Variants in SDK1 observed in about 807,000 individuals in gnomAD.
SDK1 encodes the protein sidekick cell adhesion molecule 1.
Under a neutral mutation model 245.5 loss-of-function variants are expected in SDK1, and 157 were observed. The observed-to-expected ratio is 0.64, with a 90% CI of 0.56 to 0.73. The LOEUF is 0.73. SDK1 is among the 30% of genes least tolerant of loss of function. The pLI is 0.00. For missense variants in SDK1, 3,583 were observed against 3,002.3 expected, an observed-to-expected ratio of 1.19 and a Z score of -4.52; for synonymous variants, 1,647 against 1,278.5, an observed-to-expected ratio of 1.29 and a Z score of -6.15.
chr7:3,802,475 C>T (rs1301742695), intron 4 of SDK1, among the ~76,000 whole-genome samples: 3 of 152,010 alleles, frequency 2.0e-5, no homozygotes, highest in East Asian at 3.9e-4. Flanking sequence ...GTCAAGGCTG[C>T]AGTGAGCCAT....
chr7:3,464,016 A>G (rs1780913347), intron 1 of SDK1, among the ~76,000 whole-genome samples: 1 of 152,154 alleles, frequency 6.6e-6, no homozygotes, highest in Non-Finnish European at 1.5e-5. Flanking sequence ...GTTCATTTAT[A>G]TTTCTCTGAT....
intron 1 of SDK1, among the ~76,000 whole-genome samples, chr7:3,511,612 A>C (rs184431284): frequency 1.3e-5 from 2 of 152,112 alleles, no homozygotes; most frequent in African/African-American, 4.8e-5. Flanking sequence ...CTAACCCTCT[A>C]GTTCAGTTTT....
intron 1 of SDK1, among the ~76,000 whole-genome samples, chr7:3,526,116 C>T (rs1464790367): frequency 1.3e-5 from 2 of 151,976 alleles, no homozygotes; most frequent in African/African-American, 4.8e-5. Flanking sequence ...TGCCGGTAAT[C>T]CCAGCTATTC....
At position 4,267,846 on chromosome 7, in the gene SDK1, T is replaced by G; in HGVS notation, c.*2462T>G. ...CGGCCTCCTGGCTGCTGCTGGACTG[T>G]GCTTAGGACAGCGCCCATGCCTCGG... is the stretch of plus-strand genomic sequence containing the variant. On this transcript the variant is annotated 3_prime_UTR_variant, in exon 45 of 45. Coordinates refer to ENST00000404826, the MANE Select transcript of SDK1 (RefSeq NM_152744.4). 1.0e-6 allele frequency: 1 copy of G among 985,528 alleles called. No homozygotes were observed. Among genetic ancestry groups the G allele is most frequent in the South Asian group, 4.7e-5 (1 of 21,286 alleles). 61.0% of individuals were successfully genotyped at this position (985,528 alleles called of 1,614,324 possible).
intron 13 of SDK1, among the ~76,000 whole-genome samples, chr7:3,982,714 C>T (rs538744785): frequency 1.3e-5 from 2 of 152,068 alleles, no homozygotes; most frequent in Admixed American, 6.6e-5. Flanking sequence ...GTGGCGGGTG[C>T]CTGTAGTCCC....
chr7:3,353,999 T>C (rs905884073), intron 1 of SDK1, among the ~76,000 whole-genome samples: 1 of 151,366 alleles, frequency 6.6e-6, no homozygotes, highest in African/African-American at 2.4e-5. Flanking sequence ...TCTTTTCTTT[T>C]TTTTTTTTTT....
intron 1 of SDK1, among the ~76,000 whole-genome samples, chr7:3,349,912 T>G (rs1394014342): frequency 1.3e-5 from 2 of 152,198 alleles, no homozygotes; most frequent in Non-Finnish European, 2.9e-5. Flanking sequence ...TAAGAGTACA[T>G]GTATCTTAAG....
intron 1 of SDK1, among the ~76,000 whole-genome samples, chr7:3,393,948 G>C (rs144300390): frequency 1.3e-5 from 2 of 152,170 alleles, no homozygotes; most frequent in Non-Finnish European, 2.9e-5. Context: ...TTATTATAGT[G>C]TTCATCATTT....
chr7:3,650,399 CTGTCTCTA>C (rs1782975530), intron 4 of SDK1, among the ~76,000 whole-genome samples: 1 of 152,202 alleles, frequency 6.6e-6, no homozygotes, highest in Non-Finnish European at 1.5e-5. Flanking sequence ...GTTCTGCTTT[CTGTCTCTA>C]TGAATTTGAC....
chr7:3,627,826 A>G (rs545275176), intron 2 of SDK1, among the ~76,000 whole-genome samples: 2 of 152,268 alleles, frequency 1.3e-5, no homozygotes, highest in South Asian at 4.2e-4. Flanking sequence ...CTCTCTAGTG[A>G]TATAAAAAAT....
chr7:3,465,901 G>A (rs775026106), intron 1 of SDK1, among the ~76,000 whole-genome samples: 8 of 152,134 alleles, frequency 5.3e-5, no homozygotes, highest in Admixed American at 1.3e-4. Context: ...CACCTAAGGC[G>A]TTCACACATG....
chr7:3,586,843 G>A lies in SDK1; in HGVS notation c.299-32237G>A, dbSNP rs559185089. On this transcript the variant is annotated intron_variant, in intron 1 of 44. Transcript: ENST00000404826. The stretch of plus-strand genomic sequence containing the variant: ...GGGCAAGGGGAAAGCACTCACTGAA[G>A]ACAGAAGCTGCCACTTGAGCAGGGA... Among the ~76,000 whole-genome samples, 12 of 152,316 alleles carry A rather than the reference G, an allele frequency of 7.9e-5. No individual in the cohort carries two copies. The East Asian group carries it at 2.3e-3, about 29-fold the overall frequency.
chr7:3,686,716 C>T (rs946376561), intron 4 of SDK1, among the ~76,000 whole-genome samples: 3 of 152,150 alleles, frequency 2.0e-5, no homozygotes, highest in African/African-American at 7.2e-5. Flanking sequence ...AAGGAGAAGG[C>T]CAGGCCACCA....
chr7:3,862,830 G>T (rs77600168), intron 5 of SDK1, among the ~76,000 whole-genome samples: 1 of 152,248 alleles, frequency 6.6e-6, no homozygotes, highest in East Asian at 1.9e-4. Context: ...TTTTCATGGT[G>T]GGTAGGGATG....
At chr7:3,582,862 G>A (rs191846805) in intron 1 of SDK1, among the ~76,000 whole-genome samples, 39 of 152,206 alleles carry the variant, frequency 2.6e-4, no homozygotes, top group Non-Finnish European at 8.8e-5. Flanking sequence ...AACTCAGAGC[G>A]TGGCAACAAC....
intron 1 of SDK1, among the ~76,000 whole-genome samples, chr7:3,510,453 T>C (rs576813159): frequency 6.6e-6 from 1 of 152,336 alleles, no homozygotes; most frequent in South Asian, 2.1e-4. Context: ...GAAAAATCAC[T>C]GACGTGAGGC....
At chr7:3,973,742 C>T (rs1183258844) in intron 12 of SDK1, among the ~76,000 whole-genome samples, 1 of 152,132 alleles carries the variant, frequency 6.6e-6, no homozygotes, top group Non-Finnish European at 1.5e-5. Flanking sequence ...GACTTCTCAT[C>T]TCTAAAACAC....
chr7:3,664,794 T>A (rs1783477374), intron 4 of SDK1, among the ~76,000 whole-genome samples: 1 of 152,038 alleles, frequency 6.6e-6, no homozygotes, highest in South Asian at 2.1e-4. Context: ...GCTTTTGGTC[T>A]GCTTTCAAAT....
chr7:3,865,242 G>T (rs146603252), intron 5 of SDK1, among the ~76,000 whole-genome samples: 2 of 152,232 alleles, frequency 1.3e-5, no homozygotes, highest in Non-Finnish European at 2.9e-5. Context: ...GAAGCAGGGA[G>T]TGTGGGAGGC....
Sources: allele counts gnomAD v4.1 joint callset (sites outside exome capture counted in the v4.1 genomes callset), GRCh38; gene constraint gnomAD v4.1.1; transcripts MANE v1.5; gene names NCBI Gene and HGNC (gene_info 2026-07-23, HGNC 2026-07-21).